Variants in ADAD2 observed in about 807,000 individuals in gnomAD.
ADAD2 encodes adenosine deaminase domain containing 2, also known as adenosine deaminase domain-containing protein 2.
A neutral mutation model predicts 54.5 loss-of-function variants in ADAD2; 60 were observed. The observed-to-expected ratio is 1.10, with a 90% CI of 0.89 to 1.36. ADAD2 has a LOEUF of 1.36. ADAD2 is among the 40% of genes most tolerant of loss of function. The pLI is 0.00. For synonymous variants in ADAD2, 543 were observed against 366.2 expected, an observed-to-expected ratio of 1.48 and a Z score of -5.51; for missense variants, 1,103 against 801.3, an observed-to-expected ratio of 1.38 and a Z score of -4.54.
chr16:84,196,230 C>A lies in ADAD2; in HGVS notation c.1386C>A (p.Thr462=). The change falls in exon 8 of 10, where the codon ACC becomes ACA. Residue 462 remains threonine, a synonymous_variant. Transcript: ENST00000315906. The part of the protein sequence containing the change: ...GPCLPPPYVR[T]ALHLFAGPPV... ...GCCTGCCACCTCCCTACGTCCGGACCGCCCTGCACCTGTTTGCAGGGCCCC... is the reference window on the plus strand; with the variant it reads ...GCCTGCCACCTCCCTACGTCCGGACAGCCCTGCACCTGTTTGCAGGGCCCC... 1 of 1,611,796 alleles carries A rather than the reference C, an allele frequency of 6.2e-7. No individual in the cohort carries two copies. Among genetic ancestry groups the A allele is most frequent in the Non-Finnish European group, 8.5e-7 (1 of 1,179,932 alleles).
chr16:84,192,170 G>C (rs543535258), intron 1 of ADAD2, among the ~76,000 whole-genome samples: 58 of 152,134 alleles, frequency 3.8e-4, no homozygotes, highest in African/African-American at 1.3e-3. Flanking sequence ...TTTGAGACAG[G>C]GTCTTACTCT....
chr16:84,196,279 CCT>C lies in ADAD2; in HGVS notation c.1436_1437del (p.Pro479ArgfsTer128), dbSNP rs1250282989. 1.9e-5 allele frequency: 30 copies of C among 1,612,824 alleles called. No homozygotes were observed. The highest frequency in any genetic ancestry group is 2.5e-5 in the Non-Finnish European group (29 of 1,179,980). ...GPPVAPSEPT[P>X]DTCRGLSLNW... is the part of the protein sequence containing the mutation. ...CCCGGTGGCCCCTTCCGAACCCACC[CCT>C]GACACCTGCCGTGGCCTGAGCCTCA... On this transcript the variant is annotated frameshift_variant, in exon 8 of 10. Transcript: ENST00000315906. LOFTEE classifies it high-confidence loss of function.
intron 8 of ADAD2, 135 bp downstream of exon 8, chr16:84,196,505 C>T (rs906897082): frequency 1.2e-5 from 18 of 1,541,178 alleles, no homozygotes; most frequent in African/African-American, 5.5e-5. Context: ...TTCCTAGCTC[C>T]GTAGTGGTGG....
chr16:84,194,605 G>C (rs752801909), intron 2 of ADAD2, 23 bp downstream of exon 2: 2 of 1,590,472 alleles, frequency 1.3e-6, no homozygotes, highest in Non-Finnish European at 1.7e-6. Context: ...GGGCCAGGCA[G>C]CTGAGCCGCA....
At chr16:84,195,041 C>G (rs749668481) in intron 3 of ADAD2, 28 bp from the exon 4 acceptor site, 1 of 1,612,498 alleles carries the variant, frequency 6.2e-7, no homozygotes, top group Non-Finnish European at 8.5e-7. Flanking sequence ...GGGCCCCCTT[C>G]TACCTGCAGT....
chr16:84,196,548 C>T (rs1337802125), intron 8 of ADAD2, 99 bp from the exon 9 acceptor site: 2 of 1,561,740 alleles, frequency 1.3e-6, no homozygotes, highest in Non-Finnish European at 1.7e-6. Flanking sequence ...AGTCCTGTGA[C>T]ATTGTCACAG....
Position 84,196,019 on chromosome 16 carries a change from A to G in ADAD2, c.1257A>G (p.Pro419=). The G allele has an allele frequency of 1.3e-6, 2 of 1,598,544 alleles. No individual in the cohort carries two copies. The highest frequency in any genetic ancestry group is 2.2e-5 in the East Asian group (1 of 44,816). The change falls in exon 7 of 10, where the codon CCA becomes CCG. Residue 419 remains proline, a synonymous_variant. Transcript: ENST00000315906. ...CCCTGCTGGCCCACCTGGTGTCCCCACTCTACAGCACCAGCCTCATCCTGG... is the reference window on the plus strand; with the variant it reads ...CCCTGCTGGCCCACCTGGTGTCCCCGCTCTACAGCACCAGCCTCATCCTGG... ...GGALLAHLVS[P]LYSTSLILAD... is the part of the protein sequence containing the mutation.
chr16:84,191,365 C>G lies in ADAD2; in HGVS notation c.135C>G (p.Pro45=). The G allele has an allele frequency of 2.6e-6, 4 of 1,522,096 alleles. No homozygotes were observed. The highest frequency in any genetic ancestry group is 1.2e-5 in the South Asian group (1 of 82,160). 94.3% of individuals were successfully genotyped at this position (1,522,096 alleles called of 1,614,324 possible). A position where few individuals can be genotyped will look rare whatever the true frequency, so the allele number is the denominator to read the frequency against. Residue 45 remains proline (P), a synonymous_variant, in exon 1 of 10, where the codon CCC becomes CCG. Transcript: ENST00000315906. ...LPAQAQSAWG[P]APAPATYRAE... ...CCCAGGCCCAAAGTGCCTGGGGGCC[C>G]GCGCCCGCGCCCGCGACGTATCGCG... is the stretch of plus-strand genomic sequence containing the variant.
Position 84,194,548 on chromosome 16 carries a change from C to T in ADAD2, c.525C>T (p.Ala175=), listed in dbSNP as rs777479002. The stretch of plus-strand genomic sequence containing the variant: ...CCAAACAGCAGGCAGCGCTCTCTGC[C>T]CTCTGCTACATCCGGAGTCAGCTGG... ...TEAKQQAALS[A]LCYIRSQLEN... Residue 175 remains alanine, a synonymous_variant, in exon 2 of 10, where the codon GCC becomes GCT. Transcript: ENST00000315906. 1 of 1,609,266 alleles carries T rather than the reference C, an allele frequency of 6.2e-7. No individual in the cohort carries two copies. Among genetic ancestry groups the T allele is most frequent in the South Asian group, 1.1e-5 (1 of 89,844 alleles).
chr16:84,194,218 T>G, intron 1 of ADAD2: 1 of 1,561,448 alleles, frequency 6.4e-7, no homozygotes, highest in Non-Finnish European at 8.7e-7. Context: ...TGTGGAGGAG[T>G]TGGGTGAGGA....
intron 8 of ADAD2, 125 bp downstream of exon 8, chr16:84,196,495 T>G: frequency 7.0e-7 from 1 of 1,424,694 alleles, no homozygotes; most frequent in African/African-American, 1.5e-5. Context: ...GCTCAACCCC[T>G]TCCTAGCTCC....
intron 1 of ADAD2, chr16:84,194,237 A>G (rs186672684): frequency 6.4e-7 from 1 of 1,555,796 alleles, no homozygotes; most frequent in Non-Finnish European, 8.7e-7. Flanking sequence ...GACTTGGTTG[A>G]ATCAGCGATG....
At position 84,196,760 on chromosome 16, in the gene ADAD2, C is replaced by T; in HGVS notation, c.1640C>T (p.Ala547Val). 2 of 1,610,954 alleles carry T rather than the reference C, an allele frequency of 1.2e-6. No individual in the cohort carries two copies. The highest frequency in any genetic ancestry group is 8.5e-7 in the Non-Finnish European group (1 of 1,178,412). ...CTCCTGGCCTTGAAGACCTACGAGG[C>T]TGCCAAGGTTGGTTCCCCACCCTCC... The part of the protein sequence containing the change: ...PYLLALKTYE[A>V]AKAGPYQEAR... The change falls in exon 9 of 10, where the codon GCT becomes GTT. Residue 547 changes from alanine (A) to valine (V), a missense_variant. Coordinates refer to ENST00000315906, the MANE Select transcript of ADAD2 (RefSeq NM_001145400.2).
Position 84,196,702 on chromosome 16 carries a change from C to G in ADAD2, c.1582C>G (p.His528Asp). The G allele has an allele frequency of 6.2e-7, 1 of 1,613,366 alleles. No individual in the cohort carries two copies. Among genetic ancestry groups the G allele is most frequent in the Non-Finnish European group, 8.5e-7 (1 of 1,179,992 alleles). The change falls in exon 9 of 10, where the codon CAC becomes GAC. Residue 528 changes from histidine (H) to aspartate (D), a missense_variant. Transcript: ENST00000315906. ...LCKASFLRAF[H>D]QAARAVGKPY... ...CAAGGCCTCCTTTCTCCGGGCCTTT[C>G]ACCAGGCGGCCAGGGCTGTGGGGAA...
chr16:84,194,683 G>A, intron 2 of ADAD2, 101 bp downstream of exon 2: 1 of 1,527,230 alleles, frequency 6.5e-7, no homozygotes, highest in African/African-American at 1.4e-5. Flanking sequence ...GTGTGAGCAG[G>A]AGGTGGGTTG....
At chr16:84,194,742 C>A in intron 2 of ADAD2, 160 bp downstream of exon 2, 1 of 1,360,468 alleles carries the variant, frequency 7.4e-7, no homozygotes, top group Non-Finnish European at 1.0e-6. Flanking sequence ...GGAGCTGGGG[C>A]GGGGTACATG....
chr16:84,194,672 CGT>C, intron 2 of ADAD2, 90 bp downstream of exon 2: 1 of 1,538,784 alleles, frequency 6.5e-7, no homozygotes, highest in Non-Finnish European at 8.8e-7. Context: ...AGTGGCTGTG[CGT>C]GTGAGCAGGA....
At position 84,194,474 on chromosome 16, in the gene ADAD2, C is replaced by G; in HGVS notation, c.451C>G (p.Leu151Val). Reference protein sequence around the residue: ...PCFPFSVSAELDGVVCPAGTA... With the variant: ...PCFPFSVSAEVDGVVCPAGTA... ...CTTCCCCTTCTCGGTGAGCGCGGAA[C>G]TGGATGGGGTGGTCTGCCCTGCGGG... The change falls in exon 2 of 10, where the codon CTG (leucine) becomes GTG (valine). Residue 151 changes from leucine to valine, a missense_variant. Coordinates refer to ENST00000315906, the MANE Select transcript of ADAD2 (RefSeq NM_001145400.2). 1.2e-6 allele frequency: 2 copies of G among 1,609,448 alleles called. No homozygotes were observed. Among genetic ancestry groups the G allele is most frequent in the Non-Finnish European group, 1.7e-6 (2 of 1,179,534 alleles).
At chr16:84,193,743 T>A (rs1597596458) in intron 1 of ADAD2, 2 of 363,298 alleles carry the variant, frequency 5.5e-6, no homozygotes, top group South Asian at 1.4e-4. Flanking sequence ...GCTGGCTTTC[T>A]AAGGCCAACA....
Sources: allele counts gnomAD v4.1 joint callset (sites outside exome capture counted in the v4.1 genomes callset), GRCh38; gene constraint gnomAD v4.1.1; transcripts MANE v1.5; gene names NCBI Gene and HGNC (gene_info 2026-07-23, HGNC 2026-07-21).